Variants in TRMT2A observed in about 807,000 individuals in gnomAD.
TRMT2A encodes the protein tRNA (uracil-5-)-methyltransferase homolog A.
A neutral mutation model predicts 59.3 loss-of-function variants in TRMT2A; 60 were observed. That is an observed-to-expected ratio of 1.01 (90% confidence interval 0.82 to 1.26). The LOEUF (loss-of-function observed/expected upper bound fraction) is 1.26, where lower values mean the gene tolerates loss of function less well. Ranked by LOEUF, TRMT2A falls within the 50% of genes most tolerant of loss-of-function variation. The probability of loss-of-function intolerance (pLI) is 0.00; values close to 1 mark genes in which losing one functional copy is unlikely to be tolerated. For missense variants in TRMT2A, 863 were observed against 845.2 expected (o/e 1.02, Z -0.26); for synonymous variants, 403 against 353.7 (o/e 1.14, Z -1.56).
chr22:20,114,438 T>G, intron 7 of TRMT2A, 136 bp downstream of exon 7: 1 of 737,932 alleles, frequency 1.4e-6, no homozygotes, highest in Non-Finnish European at 2.4e-6. Flanking sequence ...CTTTCTTACT[T>G]CACCCTCCCC....
chr22:20,112,212 GC>G lies in TRMT2A; in HGVS notation c.*350del. On this transcript the variant is annotated 3_prime_UTR_variant, in exon 12 of 12. Coordinates refer to ENST00000252136, the MANE Select transcript of TRMT2A (RefSeq NM_022727.6). ...CTGACTCCCCCAGCCATGCAGAGAG[GC>G]TTGCAGAGCTGCCTAGGCCTAGTTT... The G allele has an allele frequency of 3.0e-6, 1 of 329,640 alleles. No homozygotes were observed. The allele number at this position is 329,640 out of a possible 1,614,324, so 20.4% of individuals were successfully genotyped here. A position where few individuals can be genotyped will look rare whatever the true frequency, so the allele number is the denominator to read the frequency against.
rs1568976764 is a variant in TRMT2A at position 20,117,064 on chromosome 22, C to T, written c.-158G>A. ...CAACGCCGCGAGGTCGCCGCCACCCCCGGCTTCGCCCCAGGCGGGGCGGGA... is the reference window on the plus strand; with the variant it reads ...CAACGCCGCGAGGTCGCCGCCACCCTCGGCTTCGCCCCAGGCGGGGCGGGA... On this transcript the variant is annotated 5_prime_UTR_variant, in exon 1 of 12. Coordinates refer to ENST00000252136, the MANE Select transcript of TRMT2A (RefSeq NM_022727.6). 2 of 942,028 alleles carry T rather than the reference C, an allele frequency of 2.1e-6. No individual in the cohort carries two copies. The highest frequency in any genetic ancestry group is 2.7e-5 in the East Asian group (1 of 37,518). 58.4% of individuals were successfully genotyped at this position (942,028 alleles called of 1,614,324 possible).
chr22:20,112,169 T>C lies in TRMT2A; in HGVS notation c.*394A>G, dbSNP rs1371027202. On this transcript the variant is annotated 3_prime_UTR_variant, in exon 12 of 12. Coordinates refer to ENST00000252136, the MANE Select transcript of TRMT2A (RefSeq NM_022727.6). ...TTAAGTATCAAATCGAACATTCTTT[T>C]TTAAAGTAAGCTCTGCCCTGACTCC... The C allele has an allele frequency of 9.5e-6, 2 of 209,488 alleles. No individual in the cohort carries two copies. The highest frequency in any genetic ancestry group is 1.9e-5 in the Non-Finnish European group (2 of 105,736). The allele number at this position is 209,488 out of a possible 1,614,324, so 13.0% of individuals were successfully genotyped here. A position where few individuals can be genotyped will look rare whatever the true frequency, so the allele number is the denominator to read the frequency against.
rs372768586 is a variant in TRMT2A at position 20,116,907 on chromosome 22, C to T, written c.-1G>A. 1.4e-5 allele frequency: 22 copies of T among 1,581,566 alleles called. No individual in the cohort carries two copies. In the African/African-American group the frequency reaches 2.3e-4, roughly 17 times the overall value. Reference sequence around the variant, plus strand: ...CCTCGTTGTCGAGGTTCTCACTCATCGCCCAGGCGGTTCTCCGCCTAGACC... The same window carrying T: ...CCTCGTTGTCGAGGTTCTCACTCATTGCCCAGGCGGTTCTCCGCCTAGACC... On this transcript the variant is annotated 5_prime_UTR_variant, in exon 1 of 12. Transcript: ENST00000252136.
In TRMT2A at chr22:20,115,268, G is replaced by A. The variant is rs1186160556; in HGVS notation, c.888C>T (p.Ile296=). 3 of 1,611,302 alleles carry A rather than the reference G, an allele frequency of 1.9e-6. No individual in the cohort carries two copies. Among genetic ancestry groups the A allele is most frequent in the East Asian group, 4.5e-5 (2 of 44,812 alleles). Residue 296 remains isoleucine, a splice_region_variant and synonymous_variant, in exon 4 of 12, where the codon ATC becomes ATT. Transcript: ENST00000252136. ...GGAGCCCCGTCACAGGTCCTCACCG[G>A]ATGAACTCCTGGAAGGCCTTCACCA... ...KQVVKAFQEF[I]RSTPYSAYDP...
At position 20,116,930 on chromosome 22, in the gene TRMT2A, A is replaced by T; in HGVS notation, c.-24T>A. The T allele has an allele frequency of 6.3e-7, 1 of 1,586,420 alleles. No homozygotes were observed. The highest frequency in any genetic ancestry group is 1.1e-5 in the South Asian group (1 of 87,060). ...ATCGCCCAGGCGGTTCTCCGCCTAGACCAGGGACGCCATGGGGGCCGCCTG... is the reference window on the plus strand; with the variant it reads ...ATCGCCCAGGCGGTTCTCCGCCTAGTCCAGGGACGCCATGGGGGCCGCCTG... On this transcript the variant is annotated 5_prime_UTR_variant, in exon 1 of 12. Transcript: ENST00000252136.
chr22:20,113,350 C>A (rs979806338), intron 9 of TRMT2A, 82 bp downstream of exon 9: 115 of 1,542,948 alleles, frequency 7.5e-5, no homozygotes, highest in Admixed American at 3.8e-4. Flanking sequence ...GGGCAGCCCC[C>A]AAGCCCTGGC....
At position 20,113,225 on chromosome 22, in the gene TRMT2A, T is replaced by C. The variant is rs2049901965; in HGVS notation, c.1442A>G (p.Asn481Ser). 6.4e-7 allele frequency: 1 copy of C among 1,565,064 alleles called. No individual in the cohort carries two copies. Among genetic ancestry groups the C allele is most frequent in the East Asian group, 2.2e-5 (1 of 44,520 alleles). Residue 481 changes from asparagine to serine, a missense_variant, in exon 10 of 12, where the codon AAT (asparagine) becomes AGT (serine). Transcript: ENST00000252136. ...RVNAQDNELS[N>S]VEFHCGRAED... ...GGCCCTCCCGCAGTGGAACTCCACA[T>C]TACTCAACTCTGAAGAGATGGCACC...
At position 20,113,160 on chromosome 22, in the gene TRMT2A, G is replaced by A; in HGVS notation, c.1507C>T (p.Gln503Ter). 1 of 1,598,688 alleles carries A rather than the reference G, an allele frequency of 6.3e-7. No homozygotes were observed. Among genetic ancestry groups the A allele is most frequent in the East Asian group, 2.2e-5 (1 of 44,716 alleles). Residue 503 changes from glutamine to a stop codon, truncating the protein, a stop_gained, in exon 10 of 12, where the codon CAG becomes TAG. Transcript: ENST00000252136. LOFTEE classifies it high-confidence loss of function. ...VPTLVSRLAS[Q>*]HLVAILDPPR... ...GGGTCCAGGATGGCCACGAGGTGCT[G>A]GGAGGCCAGTCTGCTCACCAGGGTG...
rs997380578 is a variant in TRMT2A at position 20,117,137 on chromosome 22, C to T, written c.-231G>A. On this transcript the variant is annotated 5_prime_UTR_variant, in exon 1 of 12. Transcript: ENST00000252136. ...CCGGGTCTCAGGCTTGGGGCTGTAC[C>T]GCCCGCCCGCCAGGGGCCCGCGCCG... is the stretch of plus-strand genomic sequence containing the variant. 1.7e-6 allele frequency: 1 copy of T among 573,606 alleles called. No homozygotes were observed. The highest frequency in any genetic ancestry group is 2.7e-5 in the South Asian group (1 of 37,212). 35.5% of individuals were successfully genotyped at this position (573,606 alleles called of 1,614,324 possible).
Position 20,116,304 on chromosome 22 carries a change from G to A in TRMT2A, c.333C>T (p.Cys111=), listed in dbSNP as rs144774720. The A allele has an allele frequency of 2.3e-4, 368 of 1,612,954 alleles. 1 individual carries two copies. Among genetic ancestry groups the A allele is most frequent in the Non-Finnish European group, 2.9e-4 (347 of 1,180,024 alleles). ...HKTKLFGQPP[C]AFVTFRSAAE... ...CAGCGCTGCGGAATGTCACAAAGGC[G>A]CAGGGTGGTTGCCCAAAGAGTTTGG... The change falls in exon 2 of 12, where the codon TGC becomes TGT. Residue 111 remains cysteine, a synonymous_variant. Coordinates refer to ENST00000252136, the MANE Select transcript of TRMT2A (RefSeq NM_022727.6).
chr22:20,115,029 T>C lies in TRMT2A; in HGVS notation c.941A>G (p.Lys314Arg). Residue 314 changes from lysine to arginine, a missense_variant, in exon 5 of 12, where the codon AAG (lysine) becomes AGG (arginine). Transcript: ENST00000252136. ...YDPETYTGHW[K>R]QLTVRTSRRH... ...GCGGCTGGTGCGCACAGTCAGCTGC[T>C]TCCAGTGGCCTGTGTACGTCTCTGG... 6.2e-7 allele frequency: 1 copy of C among 1,600,532 alleles called. No homozygotes were observed. The highest frequency in any genetic ancestry group is 1.1e-5 in the South Asian group (1 of 88,756).
At position 20,115,678 on chromosome 22, in the gene TRMT2A, G is replaced by C; in HGVS notation, c.702C>G (p.Pro234=). 6.2e-7 allele frequency: 1 copy of C among 1,612,926 alleles called. No homozygotes were observed. Among genetic ancestry groups the C allele is most frequent in the South Asian group, 1.1e-5 (1 of 91,086 alleles). Residue 234 remains proline, a synonymous_variant, in exon 3 of 12, where the codon CCC becomes CCG. Coordinates refer to ENST00000252136, the MANE Select transcript of TRMT2A (RefSeq NM_022727.6). ...CACCGAAGTCTAGTCTGACCTGCTG[G>C]GGTGATGGCCTGACCCCCTCCAGCG... ...CCPLEGVRPS[P]QQTEYRNKCE... is the part of the protein sequence containing the mutation.
Position 20,112,490 on chromosome 22 carries a change from A to G in TRMT2A, c.*73T>C. 1 of 1,521,450 alleles carries G rather than the reference A, an allele frequency of 6.6e-7. No homozygotes were observed. The highest frequency in any genetic ancestry group is 8.8e-7 in the Non-Finnish European group (1 of 1,130,350). 94.2% of individuals were successfully genotyped at this position (1,521,450 alleles called of 1,614,324 possible). On this transcript the variant is annotated 3_prime_UTR_variant, in exon 12 of 12. Coordinates refer to ENST00000252136, the MANE Select transcript of TRMT2A (RefSeq NM_022727.6). ...CTGCCTACCTCTGAATATCCTGGCC[A>G]GCAAGCCATGCCTTCCCCGCCCCTG...
intron 9 of TRMT2A, 92 bp downstream of exon 9, chr22:20,113,340 G>T (rs999507353): frequency 2.6e-6 from 4 of 1,524,178 alleles, no homozygotes; most frequent in East Asian, 2.3e-5. Context: ...TCTACCTGTC[G>T]GGCAGCCCCC....
intron 9 of TRMT2A, 33 bp downstream of exon 9, chr22:20,113,399 A>AGCCCCCC: frequency 1.4e-6 from 1 of 713,634 alleles, no homozygotes; most frequent in Non-Finnish European, 2.4e-6. Flanking sequence ...GGCTGCCCCC[A>AGCCCCCC]TCCCCACCCC....
rs1214974481 is a variant in TRMT2A, at chr22:20,116,946, G to A, written c.-40C>T. On this transcript the variant is annotated 5_prime_UTR_variant, in exon 1 of 12. Coordinates refer to ENST00000252136, the MANE Select transcript of TRMT2A (RefSeq NM_022727.6). ...TCCGCCTAGACCAGGGACGCCATGG[G>A]GGCCGCCTGGCCACCTCGTCCTGGG... is the stretch of plus-strand genomic sequence containing the variant. 2 of 1,574,214 alleles carry A rather than the reference G, an allele frequency of 1.3e-6. No homozygotes were observed. The highest frequency in any genetic ancestry group is 1.7e-6 in the Non-Finnish European group (2 of 1,159,530).
chr22:20,116,979 C>T lies in TRMT2A; in HGVS notation c.-73G>A. 6.6e-7 allele frequency: 1 copy of T among 1,504,360 alleles called. No individual in the cohort carries two copies. Among genetic ancestry groups the T allele is most frequent in the Non-Finnish European group, 9.0e-7 (1 of 1,108,188 alleles). 93.2% of individuals were successfully genotyped at this position (1,504,360 alleles called of 1,614,324 possible). A position where few individuals can be genotyped will look rare whatever the true frequency, so the allele number is the denominator to read the frequency against. ...TGGCCACCTCGTCCTGGGCCTGTCA[C>T]AAGGGAAGTGGCCTGTCACAAGGGA... On this transcript the variant is annotated 5_prime_UTR_variant, in exon 1 of 12. In the 5' UTR this introduces an upstream ATG that the reference lacks. Coordinates refer to ENST00000252136, the MANE Select transcript of TRMT2A (RefSeq NM_022727.6).
intron 9 of TRMT2A, 33 bp downstream of exon 9, chr22:20,113,399 A>AACCC: frequency 5.6e-6 from 4 of 713,630 alleles, no homozygotes; most frequent in Non-Finnish European, 7.1e-6. Flanking sequence ...GGCTGCCCCC[A>AACCC]TCCCCACCCC....
Sources: allele counts gnomAD v4.1 joint callset, GRCh38; gene constraint gnomAD v4.1.1; transcripts MANE v1.5; gene names NCBI Gene and HGNC (gene_info 2026-07-23, HGNC 2026-07-21).